OR5K1: variants seen among roughly 807,000 people sequenced by gnomAD.
OR5K1 encodes olfactory receptor family 5 subfamily K member 1.
In OR5K1, 7 loss-of-function variants were observed where a neutral mutation model predicts 10.4. The observed-to-expected ratio is 0.67, with a 90% CI of 0.38 to 1.26. The LOEUF is 1.26. Ranked by LOEUF, OR5K1 falls within the 50% of genes most tolerant of loss-of-function variation. OR5K1 has a pLI of 0.02. For missense variants in OR5K1, 435 were observed against 366.2 expected (o/e 1.19, Z -1.53); for synonymous variants, 135 against 128.5 (o/e 1.05, Z -0.34).
At chr3:98,463,638 T>C (rs1705337590) in intron 1 of OR5K1, among the ~76,000 whole-genome samples, 1 of 151,750 alleles carries the variant, frequency 6.6e-6, no homozygotes, top group South Asian at 2.1e-4. Context: ...ATGAAATGAA[T>C]TATTAACCTC....
At chr3:98,468,697 C>A (rs1441072515) in intron 1 of OR5K1, among the ~76,000 whole-genome samples, 2 of 152,060 alleles carry the variant, frequency 1.3e-5, no homozygotes, top group African/African-American at 4.8e-5. Flanking sequence ...TATGTATATA[C>A]CACCATTTAT....
chr3:98,469,843 C>A lies in OR5K1; in HGVS notation c.267C>A (p.Asn89Lys), dbSNP rs778028136. Residue 89 changes from asparagine to lysine, a missense_variant, in exon 2 of 2, where the codon AAC (asparagine) becomes AAA (lysine). Asn to Lys is a moderately conservative substitution (Grantham distance 94, BLOSUM62 0). Transcript: ENST00000642057. ...TGTTAGAGAACTTCTTTTCTGAGAA[C>A]AAAAGGATTTCCCTCTATGAATGTG... ...PKMLENFFSENKRISLYECAV... is the reference protein window; with the variant it reads ...PKMLENFFSEKKRISLYECAV... 1.2e-6 allele frequency: 2 copies of A among 1,613,626 alleles called. No individual in the cohort carries two copies. The highest frequency in any genetic ancestry group is 1.1e-5 in the South Asian group (1 of 91,090).
At chr3:98,465,600 T>A (rs558578060) in intron 1 of OR5K1, among the ~76,000 whole-genome samples, 5 of 152,170 alleles carry the variant, frequency 3.3e-5, no homozygotes, top group Admixed American at 2.6e-4. Flanking sequence ...TTATCATTTC[T>A]TTTTAAAAAC....
At position 98,470,316 on chromosome 3, in the gene OR5K1, C is replaced by G; in HGVS notation, c.740C>G (p.Ser247Ter). 1 of 1,613,206 alleles carries G rather than the reference C, an allele frequency of 6.2e-7. No homozygotes were observed. The highest frequency in any genetic ancestry group is 8.5e-7 in the Non-Finnish European group (1 of 1,179,610). The part of the protein sequence containing the change: ...AFSTCASHFL[S>*]VSLFYGSLFF... ...TCTACCTGTGCATCCCACTTTTTGT[C>G]AGTTTCATTATTCTATGGATCTCTT... Residue 247 changes from serine (S) to a stop codon, truncating the protein, a stop_gained, in exon 2 of 2, where the codon TCA (serine) becomes TGA (stop). Transcript: ENST00000642057. LOFTEE classifies it high-confidence loss of function.
In OR5K1 at chr3:98,463,232, A is replaced by G. The variant is rs1280911342; in HGVS notation, c.-87A>G. 3.9e-5 allele frequency: 6 copies of G among 152,236 alleles called. No homozygotes were observed. The highest frequency in any genetic ancestry group is 7.3e-5 in the Non-Finnish European group (5 of 68,042). The allele number at this position is 152,236 out of a possible 1,614,324, so 9.4% of individuals were successfully genotyped here. ...TAAATGATCAAGAAGATAGAGCTTA[A>G]TTGTGAGATCTACTTTAAAAACTGT... On this transcript the variant is annotated 5_prime_UTR_variant, in exon 1 of 2. Coordinates refer to ENST00000642057, the MANE Select transcript of OR5K1 (RefSeq NM_001004736.4).
rs774691821 is a variant in OR5K1, at chr3:98,470,554, A to G, written c.*51A>G. 1.6e-5 allele frequency: 18 copies of G among 1,109,708 alleles called. No homozygotes were observed. In the East Asian group the frequency reaches 4.4e-4, roughly 27 times the overall value. 68.7% of individuals were successfully genotyped at this position (1,109,708 alleles called of 1,614,324 possible). Reference sequence around the variant, plus strand: ...CATCTACTATAGCTTAATGATTTAAATGCAGCAAAAACTTCCATGTGAAAT... The same window carrying G: ...CATCTACTATAGCTTAATGATTTAAGTGCAGCAAAAACTTCCATGTGAAAT... On this transcript the variant is annotated 3_prime_UTR_variant, in exon 2 of 2. Coordinates refer to ENST00000642057, the MANE Select transcript of OR5K1 (RefSeq NM_001004736.4).
chr3:98,467,211 G>C (rs1214423235), intron 1 of OR5K1, among the ~76,000 whole-genome samples: 1 of 91,434 alleles, frequency 1.1e-5, no homozygotes, highest in Admixed American at 1.1e-4. Context: ...GATAGTTGTA[G>C]ATATGCAGCA....
rs769842409 is a variant in OR5K1, at chr3:98,469,920, T to C, written c.344T>C (p.Leu115Pro). The change falls in exon 2 of 2, where the codon CTG becomes CCG. Residue 115 changes from leucine to proline, a missense_variant. Coordinates refer to ENST00000642057, the MANE Select transcript of OR5K1 (RefSeq NM_001004736.4). ...GTGGAAACTGCAGACTGCTTTCTTC[T>C]GGCAGCAATGGCCTATGACCGCTAT... The part of the protein sequence containing the change: ...CTVETADCFL[L>P]AAMAYDRYVA... 4 of 1,613,764 alleles carry C rather than the reference T, an allele frequency of 2.5e-6. No individual in the cohort carries two copies. The highest frequency in any genetic ancestry group is 1.1e-5 in the South Asian group (1 of 91,088).
chr3:98,469,661 G>C lies in OR5K1; in HGVS notation c.85G>C (p.Val29Leu). 2 of 1,613,626 alleles carry C rather than the reference G, an allele frequency of 1.2e-6. No homozygotes were observed. Among genetic ancestry groups the C allele is most frequent in the Non-Finnish European group, 1.7e-6 (2 of 1,179,740 alleles). Residue 29 changes from valine (V) to leucine (L), a missense_variant, in exon 2 of 2, where the codon GTG becomes CTG. Coordinates refer to ENST00000642057, the MANE Select transcript of OR5K1 (RefSeq NM_001004736.4). ...CCCTGAGCTGAAGACTCTGCTGTTT[G>C]TGGTGTTCTTTGCCATCTATCTGAT... The part of the protein sequence containing the change: ...DHPELKTLLF[V>L]VFFAIYLITV...
chr3:98,463,827 C>A (rs543335949), intron 1 of OR5K1, among the ~76,000 whole-genome samples: 1 of 152,098 alleles, frequency 6.6e-6, no homozygotes, highest in Non-Finnish European at 1.5e-5. Context: ...TTATTTCTAT[C>A]TGACCAATGG....
chr3:98,468,009 A>C (rs1252243179), intron 1 of OR5K1, among the ~76,000 whole-genome samples: 1 of 152,062 alleles, frequency 6.6e-6, no homozygotes, highest in Non-Finnish European at 1.5e-5. Context: ...CCAGTTTTTA[A>C]CCTTTTTCTT....
chr3:98,463,316 G>T lies in OR5K1; in HGVS notation c.-12+9G>T, dbSNP rs1299395503. The stretch of plus-strand genomic sequence containing the variant: ...TACCAGGGAAAATTCAGGTGAGAAA[G>T]AATTTAAAACTTATTTTTGCTAGAA... On this transcript the variant is annotated intron_variant, in intron 1 of 1. Coordinates refer to ENST00000642057, the MANE Select transcript of OR5K1 (RefSeq NM_001004736.4). 1 of 152,156 alleles carries T rather than the reference G, an allele frequency of 6.6e-6. No individual in the cohort carries two copies. The highest frequency in any genetic ancestry group is 2.4e-5 in the African/African-American group (1 of 41,446). The allele number at this position is 152,156 out of a possible 1,614,324, so 9.4% of individuals were successfully genotyped here.
chr3:98,466,883 T>G (rs1254769640), intron 1 of OR5K1, among the ~76,000 whole-genome samples: 1 of 121,056 alleles, frequency 8.3e-6, no homozygotes, highest in Non-Finnish European at 1.6e-5. Flanking sequence ...TCTTTTGCTG[T>G]GCAGAAGCTC....
chr3:98,465,880 T>C (rs1165896641), intron 1 of OR5K1, among the ~76,000 whole-genome samples: 1 of 103,574 alleles, frequency 9.7e-6, no homozygotes, highest in East Asian at 2.8e-4. Context: ...CTTATATAAA[T>C]AAATTTGTCT....
At chr3:98,464,603 C>T (rs772444102) in intron 1 of OR5K1, among the ~76,000 whole-genome samples, 1 of 152,094 alleles carries the variant, frequency 6.6e-6, no homozygotes, top group African/African-American at 2.4e-5. Flanking sequence ...AACTCTTTGT[C>T]TATAAGTACA....
Position 98,470,076 on chromosome 3 carries a change from T to A in OR5K1, c.500T>A (p.Val167Asp). The A allele has an allele frequency of 6.2e-7, 1 of 1,613,714 alleles. No homozygotes were observed. Residue 167 changes from valine to aspartate, a missense_variant, in exon 2 of 2, where the codon GTT (valine) becomes GAT (aspartate). Val to Asp is a radical substitution (Grantham distance 152). Transcript: ENST00000642057. ...CATGTAGGGCTTGTATTTAGGTTAG[T>A]TTTCTGTGGATCGAATCACATCAAC... ...MIHVGLVFRL[V>D]FCGSNHINHF...
Position 98,471,629 on chromosome 3 carries a change from A to G in OR5K1, c.*1126A>G, listed in dbSNP as rs1237538214. On this transcript the variant is annotated 3_prime_UTR_variant, in exon 2 of 2. Transcript: ENST00000642057. ...AGAATAGAATATTGCCACAATTTTT[A>G]TTACTAACTTCTGGATTAAGAAGGA... 2.6e-5 allele frequency: 4 copies of G among 151,958 alleles called. No homozygotes were observed. The highest frequency in any genetic ancestry group is 9.7e-5 in the African/African-American group (4 of 41,406). The allele number at this position is 151,958 out of a possible 1,614,324, so 9.4% of individuals were successfully genotyped here.
At chr3:98,464,255 C>A (rs1309342078) in intron 1 of OR5K1, among the ~76,000 whole-genome samples, 1 of 152,012 alleles carries the variant, frequency 6.6e-6, no homozygotes, top group African/African-American at 2.4e-5. Context: ...GACCCTGTTT[C>A]AAAAAATAAA....
At chr3:98,465,103 C>T (rs9681638) in intron 1 of OR5K1, among the ~76,000 whole-genome samples, 6,734 of 151,940 alleles carry the variant, frequency 0.044, 501 homozygotes, top group African/African-American at 0.15. Flanking sequence ...AATATAAAGC[C>T]GAAAAATAAT....
Sources: gnomAD v4.1 joint callset for allele counts (sites outside exome capture counted in the v4.1 genomes callset) on GRCh38, gnomAD v4.1.1 for gene constraint, MANE v1.5 for transcripts, NCBI Gene and HGNC (gene_info 2026-07-23, HGNC 2026-07-21) for gene names.